CHMP7: variants seen among roughly 807,000 people sequenced by gnomAD.
The protein encoded by CHMP7 is charged multivesicular body protein 7.
Under a neutral mutation model 53.7 loss-of-function variants are expected in CHMP7, and 15 were observed. The observed-to-expected ratio is 0.28, with a 90% CI of 0.19 to 0.43. The LOEUF is 0.43. Ranked by LOEUF, CHMP7 falls within the 20% of genes least tolerant of loss-of-function variation. CHMP7 has a pLI of 1.00. For synonymous variants in CHMP7, 261 were observed against 228.0 expected (o/e 1.14, Z -1.30); for missense variants, 527 against 569.4 (o/e 0.93, Z 0.76).
intron 1 of CHMP7, among the ~76,000 whole-genome samples, chr8:23,244,588 C>T (rs571426828): frequency 6.6e-6 from 1 of 152,272 alleles, no homozygotes; most frequent in South Asian, 2.1e-4. Flanking sequence ...CGTCCTCTGA[C>T]TTATTTGTTC....
At chr8:23,254,223 G>A (rs1173942288) in intron 3 of CHMP7, among the ~76,000 whole-genome samples, 1 of 150,038 alleles carries the variant, frequency 6.7e-6, no homozygotes, top group Non-Finnish European at 1.5e-5. Context: ...TCCCCAGGCA[G>A]TCCTTCCCTA....
At chr8:23,257,279 T>G (rs906123145) in intron 5 of CHMP7, among the ~76,000 whole-genome samples, 21 of 151,504 alleles carry the variant, frequency 1.4e-4, no homozygotes, top group African/African-American at 5.1e-4. Flanking sequence ...AATTTTTTGT[T>G]GAGATGGGGT....
intron 2 of CHMP7, 86 bp downstream of exon 2, chr8:23,247,080 C>A (rs1801728941): frequency 1.5e-6 from 2 of 1,299,578 alleles, no homozygotes; most frequent in East Asian, 2.7e-5. Flanking sequence ...CTCTGCACAG[C>A]GCACTGCGCC....
Position 23,249,398 on chromosome 8 carries a change from G to C in CHMP7, c.471+17G>C, listed in dbSNP as rs1351851675. The C allele has an allele frequency of 6.4e-7, 1 of 1,571,134 alleles. No homozygotes were observed. The highest frequency in any genetic ancestry group is 8.6e-7 in the Non-Finnish European group (1 of 1,159,224). On this transcript the variant is annotated intron_variant, in intron 3 of 10. Coordinates refer to ENST00000397677, the MANE Select transcript of CHMP7 (RefSeq NM_152272.5). ...CTGTTGAAGGTGGGTACTCAGAAGG[G>C]GGTGTCTGGGTGTCACCTGGTGTGA...
chr8:23,258,457 C>A lies in CHMP7; in HGVS notation c.960+8C>A. On this transcript the variant is annotated splice_region_variant and intron_variant, in intron 7 of 10. Coordinates refer to ENST00000397677, the MANE Select transcript of CHMP7 (RefSeq NM_152272.5). ...TCCCAGACAGATCAGATGGTAGTCA[C>A]TCCCCTCTACTCCAGCACTTGGCTG... The A allele has an allele frequency of 6.2e-7, 1 of 1,613,914 alleles. No individual in the cohort carries two copies.
At chr8:23,245,700 CA>C (rs1801661620) in intron 1 of CHMP7, among the ~76,000 whole-genome samples, 1 of 66,018 alleles carries the variant, frequency 1.5e-5, no homozygotes, top group Admixed American at 1.8e-4. Context: ...AGAACTGGTA[CA>C]ACTTTTTTCT....
In CHMP7 at chr8:23,249,354, G is replaced by A. The variant is rs541361637; in HGVS notation, c.444G>A (p.Glu148=). Residue 148 remains glutamate (E), a synonymous_variant, in exon 3 of 11, where the codon GAG becomes GAA. Coordinates refer to ENST00000397677, the MANE Select transcript of CHMP7 (RefSeq NM_152272.5). ...MLGDNKVPAE[E]VLVAVELLKE... ...GAGATAATAAGGTTCCAGCTGAGGA[G>A]GTCCTTGTCGCTGTGGAGCTGTTGA... 3 of 1,609,050 alleles carry A rather than the reference G, an allele frequency of 1.9e-6. No homozygotes were observed. The highest frequency in any genetic ancestry group is 2.2e-5 in the South Asian group (2 of 90,458).
At chr8:23,249,141 G>T in intron 2 of CHMP7, 69 bp from the exon 3 acceptor site, 2 of 1,324,596 alleles carry the variant, frequency 1.5e-6, no homozygotes, top group South Asian at 1.5e-5. Context: ...AGGGTAAAGG[G>T]GGAGCTAGAG....
At chr8:23,258,902 T>A (rs1802251286) in intron 8 of CHMP7, 72 bp downstream of exon 8, 2 of 1,184,606 alleles carry the variant, frequency 1.7e-6, no homozygotes, top group South Asian at 1.2e-5. Context: ...TCATTGCACA[T>A]CCTCTTTAAC....
chr8:23,260,977 C>A lies in CHMP7; in HGVS notation c.*378C>A. The A allele has an allele frequency of 3.7e-6, 1 of 271,360 alleles. No individual in the cohort carries two copies. Among genetic ancestry groups the A allele is most frequent in the Non-Finnish European group, 7.0e-6 (1 of 142,736 alleles). The allele number at this position is 271,360 out of a possible 1,614,324, so 16.8% of individuals were successfully genotyped here. A position where few individuals can be genotyped will look rare whatever the true frequency, so the allele number is the denominator to read the frequency against. On this transcript the variant is annotated 3_prime_UTR_variant, in exon 11 of 11. Coordinates refer to ENST00000397677, the MANE Select transcript of CHMP7 (RefSeq NM_152272.5). ...AGCTTTGCCAAATCTGAATCAGTTC[C>A]CACTCCCCCCTGCGGTTTTTTAGAG...
chr8:23,256,157 G>A (rs1243028251), intron 4 of CHMP7, among the ~76,000 whole-genome samples: 1 of 152,168 alleles, frequency 6.6e-6, no homozygotes, highest in African/African-American at 2.4e-5. Flanking sequence ...TAAGTGAAAA[G>A]GTAAAAGTTC....
chr8:23,249,214 G>A lies in CHMP7; in HGVS notation c.304G>A (p.Gly102Arg). 1 of 1,586,534 alleles carries A rather than the reference G, an allele frequency of 6.3e-7. No individual in the cohort carries two copies. The highest frequency in any genetic ancestry group is 1.1e-5 in the South Asian group (1 of 87,152). Residue 102 changes from glycine (G) to arginine (R), a missense_variant, in exon 3 of 11, where the codon GGG (glycine) becomes AGG (arginine). Physicochemically the swap from Gly to Arg is moderately radical, Grantham distance 125. Transcript: ENST00000397677. ...ATVLQDLLRR[G>R]ELQRESDFMA... is the part of the protein sequence containing the mutation. ...CCTTCTTTTTCTTCCCTGCAGTCGA[G>A]GGGAGCTGCAGCGGGAGTCAGACTT...
At chr8:23,250,620 C>CTG (rs59970101) in intron 3 of CHMP7, among the ~76,000 whole-genome samples, 8,597 of 143,152 alleles carry the variant, frequency 0.06, 303 homozygotes, top group African/African-American at 0.1. Context: ...TGATAGGGGC[C>CTG]TGTGTGTGTG....
At chr8:23,253,316 C>T (rs530286487) in intron 3 of CHMP7, among the ~76,000 whole-genome samples, 91 of 152,222 alleles carry the variant, frequency 6.0e-4, no homozygotes, top group Non-Finnish European at 1.6e-4. Flanking sequence ...CAGAGTCTCA[C>T]TCTGTTGCCC....
intron 1 of CHMP7, 103 bp from the exon 2 acceptor site, chr8:23,246,153 T>C (rs1296577447): frequency 1.3e-5 from 2 of 152,390 alleles, no homozygotes; most frequent in Non-Finnish European, 2.9e-5. Context: ...TGATCTTAAT[T>C]TGTTCTTCTT....
rs1341736256 is a variant in CHMP7 at position 23,258,751 on chromosome 8, C to CTGGG, written c.981_984dup (p.Val329TrpfsTer29). ...CTTTAGGTTTTTAACGCCTACCAGG[C>CTGGG]TGGGGTAGGAGCACTCAAACTCTCC... is the stretch of plus-strand genomic sequence containing the variant. On this transcript the variant is annotated frameshift_variant, in exon 8 of 11. Coordinates refer to ENST00000397677, the MANE Select transcript of CHMP7 (RefSeq NM_152272.5). LOFTEE classifies it high-confidence loss of function. 6.2e-7 allele frequency: 1 copy of CTGGG among 1,611,850 alleles called. No individual in the cohort carries two copies. The highest frequency in any genetic ancestry group is 2.2e-5 in the East Asian group (1 of 44,872).
At chr8:23,249,892 C>T (rs528165521) in intron 3 of CHMP7, among the ~76,000 whole-genome samples, 2 of 152,310 alleles carry the variant, frequency 1.3e-5, no homozygotes, top group South Asian at 4.1e-4. Flanking sequence ...CAGTCAGCCT[C>T]CTCCCGGCCT....
At chr8:23,252,155 A>G (rs1227390110) in intron 3 of CHMP7, among the ~76,000 whole-genome samples, 2 of 141,004 alleles carry the variant, frequency 1.4e-5, no homozygotes, top group South Asian at 2.3e-4. Context: ...CCTTCTGTGA[A>G]TTGTCTGTTT....
Position 23,260,223 on chromosome 8 carries a change from C to T in CHMP7, c.1200C>T (p.Asp400=), listed in dbSNP as rs1316060867. ...CCAAAGAACCTTTGGATCTGCCTGA[C>T]AACCCCCGCAATAGGCATTTTACCA... The part of the protein sequence containing the change: ...DTTKEPLDLP[D]NPRNRHFTNS... The change falls in exon 10 of 11, where the codon GAC becomes GAT. Residue 400 remains aspartate, a synonymous_variant. Coordinates refer to ENST00000397677, the MANE Select transcript of CHMP7 (RefSeq NM_152272.5). 2 of 1,614,188 alleles carry T rather than the reference C, an allele frequency of 1.2e-6. No homozygotes were observed. Among genetic ancestry groups the T allele is most frequent in the South Asian group, 1.1e-5 (1 of 91,090 alleles).
Sources: allele counts gnomAD v4.1 joint callset (sites outside exome capture counted in the v4.1 genomes callset), GRCh38; gene constraint gnomAD v4.1.1; transcripts MANE v1.5; gene names NCBI Gene and HGNC (gene_info 2026-07-23, HGNC 2026-07-21).